Variants in ASCC3 observed in about 807,000 individuals in gnomAD.
ASCC3 encodes ASC-1 complex subunit P200.
A neutral mutation model predicts 256.3 loss-of-function variants in ASCC3; 158 were observed. The ratio of observed to expected loss-of-function variants is 0.62; its 90% CI spans 0.54 to 0.70. The LOEUF (loss-of-function observed/expected upper bound fraction) is 0.70, where lower values mean the gene tolerates loss of function less well. Ranked by LOEUF, ASCC3 falls within the 30% of genes least tolerant of loss-of-function variation. The pLI is 0.00. For missense variants in ASCC3, 2,259 were observed against 2,626.0 expected (o/e 0.86, Z 3.05); for synonymous variants, 948 against 883.4 (o/e 1.07, Z -1.30).
chr6:100,584,412 C>T (rs894283924), intron 36 of ASCC3, among the ~76,000 whole-genome samples: 4 of 151,716 alleles, frequency 2.6e-5, no homozygotes, highest in Non-Finnish European at 5.9e-5. Context: ...ATTGCAACCT[C>T]TCCCTTTTTT....
intron 4 of ASCC3, among the ~76,000 whole-genome samples, chr6:100,825,688 G>T (rs1771270029): frequency 6.6e-6 from 1 of 152,130 alleles, no homozygotes; most frequent in African/African-American, 2.4e-5. Flanking sequence ...ATAATATCCT[G>T]AAGAGTGTTA....
intron 30 of ASCC3, among the ~76,000 whole-genome samples, chr6:100,608,518 CTTTATATATATATA>C (rs1773151339): frequency 3.0e-4 from 1 of 3,358 alleles, no homozygotes; most frequent in African/African-American, 7.9e-4. Context: ...TATATATATA[CTTTATATATATATA>C]CTTTATATAT....
chr6:100,725,458 G>T (rs756348634), intron 11 of ASCC3, 81 bp downstream of exon 11: 2 of 1,393,410 alleles, frequency 1.4e-6, no homozygotes, highest in East Asian at 2.3e-5. Context: ...TGTAACACAG[G>T]TCTACAGTGA....
chr6:100,772,925 T>C lies in ASCC3; in HGVS notation c.1396-5580A>G, dbSNP rs143490311. Among the ~76,000 whole-genome samples the C allele has an allele frequency of 3.9e-4, 60 of 152,354 alleles. 1 individual carries two copies. The highest frequency in any genetic ancestry group is 1.4e-3 in the African/African-American group (59 of 41,582). The stretch of plus-strand genomic sequence containing the variant: ...GTAATATTGCAAGGTAAAGGTGTTA[T>C]CTTTTTAACACAAGGAAGTTACAAA... On this transcript the variant is annotated intron_variant, in intron 8 of 41. Transcript: ENST00000369162.
intron 13 of ASCC3, among the ~76,000 whole-genome samples, chr6:100,684,426 CTATAT>C (rs1173790825): frequency 6.6e-6 from 1 of 152,140 alleles, no homozygotes; most frequent in African/African-American, 2.4e-5. Flanking sequence ...CCCTTCCTGA[CTATAT>C]AGGTCTGGGG....
intron 37 of ASCC3, among the ~76,000 whole-genome samples, chr6:100,537,177 A>G (rs1030271211): frequency 2.6e-5 from 4 of 152,222 alleles, no homozygotes; most frequent in African/African-American, 9.6e-5. Context: ...ACATCACCTC[A>G]ATTGTATAAA....
intron 30 of ASCC3, among the ~76,000 whole-genome samples, chr6:100,618,765 T>A (rs1302581873): frequency 6.6e-6 from 1 of 152,186 alleles, no homozygotes; most frequent in African/African-American, 2.4e-5. Context: ...CACGTATTCA[T>A]CTCTGTAAGA....
Position 100,570,043 on chromosome 6 carries a change from A to G in ASCC3, c.5550+19591T>C, listed in dbSNP as rs149452295. Among the ~76,000 whole-genome samples the G allele has an allele frequency of 2.0e-5, 3 of 152,198 alleles. No individual in the cohort carries two copies. The East Asian group carries it at 5.8e-4, about 29-fold the overall frequency. Reference sequence around the variant, plus strand: ...CCAGGTATTTAATTTTGTTGTGGCTATTGTAAATAGGATTTCATTCTTTAT... The same window carrying G: ...CCAGGTATTTAATTTTGTTGTGGCTGTTGTAAATAGGATTTCATTCTTTAT... On this transcript the variant is annotated intron_variant, in intron 36 of 41. Transcript: ENST00000369162.
intron 36 of ASCC3, among the ~76,000 whole-genome samples, chr6:100,559,710 C>T (rs749376540): frequency 3.4e-4 from 52 of 151,808 alleles, no homozygotes; most frequent in Admixed American, 1.2e-3. Flanking sequence ...ACTATCTGGA[C>T]GTGGTGGTGC....
At chr6:100,564,259 T>C (rs1770116028) in intron 36 of ASCC3, among the ~76,000 whole-genome samples, 1 of 152,004 alleles carries the variant, frequency 6.6e-6, no homozygotes. Context: ...ATACGATAAA[T>C]TCTTGTTAAT....
chr6:100,520,106 G>A (rs369911794), intron 37 of ASCC3, among the ~76,000 whole-genome samples: 7 of 151,982 alleles, frequency 4.6e-5, no homozygotes, highest in Non-Finnish European at 1.0e-4. Flanking sequence ...GCAGACCTTC[G>A]TTTCTCTCCT....
At chr6:100,748,306 G>C (rs1450124323) in intron 10 of ASCC3, among the ~76,000 whole-genome samples, 1 of 151,778 alleles carries the variant, frequency 6.6e-6, no homozygotes, top group Non-Finnish European at 1.5e-5. Flanking sequence ...ATGAAGTATA[G>C]TAAGTTAGGG....
chr6:100,672,839 A>C (rs1352136666), intron 14 of ASCC3, among the ~76,000 whole-genome samples: 1 of 152,024 alleles, frequency 6.6e-6, no homozygotes, highest in Non-Finnish European at 1.5e-5. Flanking sequence ...GTCTACTTCA[A>C]TTCACTATAA....
At chr6:100,652,588 G>A in intron 18 of ASCC3, 137 bp downstream of exon 18, 4 of 912,806 alleles carry the variant, frequency 4.4e-6, no homozygotes, top group Middle Eastern at 3.3e-4. Flanking sequence ...TCTTTACTGA[G>A]GGTATACTGT....
At chr6:100,836,658 A>G (rs1483569496) in intron 4 of ASCC3, among the ~76,000 whole-genome samples, 1 of 151,938 alleles carries the variant, frequency 6.6e-6, no homozygotes, top group East Asian at 1.9e-4. Flanking sequence ...CTTTGTTGAG[A>G]ATGTTTTACA....
intron 3 of ASCC3, among the ~76,000 whole-genome samples, chr6:100,861,706 CTTT>C (rs377135697): frequency 8.8e-4 from 134 of 152,164 alleles, no homozygotes; most frequent in Middle Eastern, 3.4e-3. Flanking sequence ...GAGAAATATT[CTTT>C]TGAGACATTA....
intron 10 of ASCC3, among the ~76,000 whole-genome samples, chr6:100,727,431 G>A (rs1177065246): frequency 6.6e-6 from 1 of 151,798 alleles, no homozygotes; most frequent in South Asian, 2.1e-4. Flanking sequence ...TAAAGCCTCC[G>A]AGAGGAATGA....
chr6:100,643,941 T>A, intron 23 of ASCC3, 90 bp downstream of exon 23: 1 of 858,484 alleles, frequency 1.2e-6, no homozygotes. Context: ...TTAATTGTAC[T>A]ATAAAATTAC....
intron 37 of ASCC3, among the ~76,000 whole-genome samples, chr6:100,522,743 A>G (rs988326829): frequency 6.6e-6 from 1 of 151,878 alleles, no homozygotes; most frequent in African/African-American, 2.4e-5. Flanking sequence ...CACTCTGTTA[A>G]CCATTTAACG....
Sources: gnomAD v4.1 joint callset for allele counts (sites outside exome capture counted in the v4.1 genomes callset) on GRCh38, gnomAD v4.1.1 for gene constraint, MANE v1.5 for transcripts, NCBI Gene and HGNC (gene_info 2026-07-23, HGNC 2026-07-21) for gene names.